TP63: variants seen among roughly 807,000 people sequenced by gnomAD.
TP63 encodes the protein tumor protein p63.
A neutral mutation model predicts 82.8 loss-of-function variants in TP63; 17 were observed. The observed-to-expected ratio is 0.21, with a 90% CI of 0.14 to 0.31. TP63 has a LOEUF of 0.31. Among genes scored for constraint, TP63 ranks in the 10% least tolerant of loss-of-function variants. The pLI is 1.00. For synonymous variants in TP63, 330 were observed against 321.7 expected (o/e 1.03, Z -0.28); for missense variants, 648 against 895.3 (o/e 0.72, Z 3.52).
chr3:189,712,775 A>G (rs1015506563), intron 1 of TP63, among the ~76,000 whole-genome samples: 1 of 152,184 alleles, frequency 6.6e-6, no homozygotes, highest in African/African-American at 2.4e-5. Context: ...GTAGGCAAAG[A>G]GAAAGGTTAT....
intron 5 of TP63, among the ~76,000 whole-genome samples, chr3:189,866,126 C>T (rs1418673229): frequency 6.6e-6 from 1 of 152,108 alleles, no homozygotes; most frequent in Non-Finnish European, 1.5e-5. Context: ...CCTTTTCTTA[C>T]ACCCAACTTG....
Position 189,871,778 on chromosome 3 carries a change from G to A in TP63, c.1213-1081G>A, listed in dbSNP as rs1258648858. 2.6e-5 allele frequency among the ~76,000 whole-genome samples: 4 copies of A among 152,152 alleles called. No individual in the cohort carries two copies. The East Asian group carries it at 7.7e-4, about 29-fold the overall frequency. ...ACTTTGTTGCCCAGGTTGGAGTGTAGTGGCAGGATCATGGTTCACTGCAGC... is the reference window on the plus strand; with the variant it reads ...ACTTTGTTGCCCAGGTTGGAGTGTAATGGCAGGATCATGGTTCACTGCAGC... On this transcript the variant is annotated intron_variant, in intron 9 of 13. Transcript: ENST00000264731.
intron 4 of TP63, among the ~76,000 whole-genome samples, chr3:189,809,514 A>G (rs1727301488): frequency 1.3e-5 from 2 of 150,060 alleles, no homozygotes; most frequent in South Asian, 4.1e-4. Context: ...TTGTCAAACA[A>G]CTTAATCAAG....
At chr3:189,809,263 T>C (rs1279531484) in intron 4 of TP63, among the ~76,000 whole-genome samples, 4 of 152,198 alleles carry the variant, frequency 2.6e-5, no homozygotes, top group African/African-American at 7.2e-5. Context: ...AATTTTCTTT[T>C]CATAAATTAG....
At chr3:189,807,023 G>A (rs1726988924) in intron 3 of TP63, among the ~76,000 whole-genome samples, 1 of 152,102 alleles carries the variant, frequency 6.6e-6, no homozygotes, top group Non-Finnish European at 1.5e-5. Flanking sequence ...GAAGAGCTAG[G>A]CCTATTTCCT....
chr3:189,628,633 G>A (rs975705229), upstream of TP63, among the ~76,000 whole-genome samples: 3 of 152,086 alleles, frequency 2.0e-5, no homozygotes, highest in Non-Finnish European at 4.4e-5. Flanking sequence ...AGACTTCTAT[G>A]TACGTTATTA....
At chr3:189,829,927 A>G in intron 4 of TP63, 1 of 389,798 alleles carries the variant, frequency 2.6e-6, no homozygotes, top group Non-Finnish European at 5.2e-6. Context: ...TTTATGTTCC[A>G]GACACATCTC....
At chr3:189,847,466 G>GA (rs1351699080) in intron 4 of TP63, among the ~76,000 whole-genome samples, 31 of 152,272 alleles carry the variant, frequency 2.0e-4, no homozygotes, top group African/African-American at 7.0e-4. Flanking sequence ...GATTTGGGGG[G>GA]ATCATGTAAG....
In TP63 at chr3:189,759,931, T is replaced by C. The variant is rs1722447010; in HGVS notation, c.324+21157T>C. On this transcript the variant is annotated intron_variant, in intron 3 of 13. Coordinates refer to ENST00000264731, the MANE Select transcript of TP63 (RefSeq NM_003722.5). ...AGGCAAGGAGGAGCAAGTCACATCTTATGTGGATGGCAGCAGGCAAAGAGA... is the reference window on the plus strand; with the variant it reads ...AGGCAAGGAGGAGCAAGTCACATCTCATGTGGATGGCAGCAGGCAAAGAGA... 2.0e-5 allele frequency among the ~76,000 whole-genome samples: 3 copies of C among 152,176 alleles called. No homozygotes were observed. The South Asian group carries it at 6.2e-4, about 32-fold the overall frequency.
At chr3:189,627,612 C>T (rs77020153), upstream of TP63, among the ~76,000 whole-genome samples, 1,717 of 152,218 alleles carry the variant, frequency 0.011, 18 homozygotes, top group Non-Finnish European at 0.02. Flanking sequence ...CCACATCAGA[C>T]GGTGCAAATA....
intron 10 of TP63, among the ~76,000 whole-genome samples, chr3:189,881,821 T>A (rs1401924629): frequency 2.6e-5 from 4 of 152,188 alleles, no homozygotes; most frequent in African/African-American, 9.6e-5. Context: ...AACCTCTAGT[T>A]GTATGTTAAT....
intron 1 of TP63, among the ~76,000 whole-genome samples, chr3:189,706,430 AT>A (rs201661729): frequency 0.013 from 2,025 of 151,834 alleles, 61 homozygotes; most frequent in Admixed American, 0.069. Context: ...TCATTTTTGT[AT>A]TTTTAGTAGA....
intron 3 of TP63, among the ~76,000 whole-genome samples, chr3:189,792,408 C>G (rs1725239797): frequency 6.6e-6 from 1 of 151,966 alleles, no homozygotes; most frequent in Non-Finnish European, 1.5e-5. Context: ...TTAACTTCAA[C>G]TTTCTGGCAA....
At chr3:189,810,899 A>G (rs1042168863) in intron 4 of TP63, among the ~76,000 whole-genome samples, 1 of 151,810 alleles carries the variant, frequency 6.6e-6, no homozygotes. Context: ...CAGGTTTAGC[A>G]TAATCCTAAA....
chr3:189,824,264 T>A (rs1270729058), intron 4 of TP63, among the ~76,000 whole-genome samples: 1 of 152,078 alleles, frequency 6.6e-6, no homozygotes, highest in Non-Finnish European at 1.5e-5. Context: ...TCACCCAGGC[T>A]GGAGTGCAGT....
At chr3:189,877,544 A>T (rs1284287491) in intron 10 of TP63, among the ~76,000 whole-genome samples, 1 of 152,110 alleles carries the variant, frequency 6.6e-6, no homozygotes, top group Non-Finnish European at 1.5e-5. Flanking sequence ...CTTCTACAGG[A>T]TGAATTTTAT....
chr3:189,757,772 AAGGTGATGGTC>A (rs1722294024), intron 3 of TP63, among the ~76,000 whole-genome samples: 1 of 152,182 alleles, frequency 6.6e-6, no homozygotes, highest in Non-Finnish European at 1.5e-5. Context: ...AGATGACCAT[AAGGTGATGGTC>A]AGGCAGTTGT....
rs146092678 is a variant in TP63 at position 189,697,232 on chromosome 3, A to AATTTTTTTTTTTTTT, written c.63-40508_63-40507insATTTTTTTTTTTTTT. ...AGATGTAAGGTGTATGTCTAGGTTCAGTTTTTTTTTTTTTTTTGCATATGG... is the reference window on the plus strand; with the variant it reads ...AGATGTAAGGTGTATGTCTAGGTTCAATTTTTTTTTTTTTTGTTTTTTTTTTTTTTTTGCATATGG... On this transcript the variant is annotated intron_variant, in intron 1 of 13. Coordinates refer to ENST00000264731, the MANE Select transcript of TP63 (RefSeq NM_003722.5). 1.8e-4 allele frequency among the ~76,000 whole-genome samples: 4 copies of AATTTTTTTTTTTTTT among 22,406 alleles called. 2 individuals are homozygous for AATTTTTTTTTTTTTT. Among genetic ancestry groups the AATTTTTTTTTTTTTT allele is most frequent in the Non-Finnish European group, 5.5e-4 (4 of 7,316 alleles). The allele number at this position is 22,406 out of a possible 152,430, so 14.7% of individuals were successfully genotyped here.
At chr3:189,812,742 T>A (rs1349907171) in intron 4 of TP63, among the ~76,000 whole-genome samples, 1 of 152,180 alleles carries the variant, frequency 6.6e-6, no homozygotes, top group Non-Finnish European at 1.5e-5. Flanking sequence ...CTCCCAAGTG[T>A]TTATTGGGTC....
Sources: allele counts gnomAD v4.1 joint callset (sites outside exome capture counted in the v4.1 genomes callset), GRCh38; gene constraint gnomAD v4.1.1; transcripts MANE v1.5; gene names NCBI Gene and HGNC (gene_info 2026-07-23, HGNC 2026-07-21).